The following RBPMS variants were observed in gnomAD, a reference collection of about 807,000 sequenced individuals.
The protein encoded by RBPMS is RNA binding protein, mRNA processing factor.
Under a neutral mutation model 26.8 loss-of-function variants are expected in RBPMS, and 7 were observed. That is an observed-to-expected ratio of 0.26 (90% CI 0.15 to 0.49). RBPMS has a LOEUF of 0.49. Among genes scored for constraint, RBPMS ranks in the 20% least tolerant of loss-of-function variants. The probability of loss-of-function intolerance (pLI) is 0.98; values close to 1 mark genes in which losing one functional copy is unlikely to be tolerated. For synonymous variants in RBPMS, 96 were observed against 93.3 expected (o/e 1.03, Z -0.17); for missense variants, 186 against 250.0 (o/e 0.74, Z 1.73).
intron 5 of RBPMS, among the ~76,000 whole-genome samples, chr8:30,513,106 A>G (rs1053749173): frequency 2.0e-5 from 3 of 151,904 alleles, no homozygotes; most frequent in Middle Eastern, 3.2e-3. Flanking sequence ...TAGGAGTCTC[A>G]GTGTGAAGAA....
chr8:30,566,753 A>G (rs890896670), intron 8 of RBPMS, among the ~76,000 whole-genome samples: 3 of 152,200 alleles, frequency 2.0e-5, no homozygotes, highest in Admixed American at 6.5e-5. Context: ...AATCTGTTTC[A>G]GATGTAATGT....
At chr8:30,442,648 G>T (rs893703642) in intron 1 of RBPMS, 2 of 152,468 alleles carry the variant, frequency 1.3e-5, no homozygotes, top group African/African-American at 2.4e-5. Flanking sequence ...CCGGGCTGGT[G>T]CGCTGAGCTC....
At chr8:30,506,299 C>G (rs906648518) in intron 5 of RBPMS, among the ~76,000 whole-genome samples, 1 of 142,624 alleles carries the variant, frequency 7.0e-6, no homozygotes, top group African/African-American at 2.6e-5. Flanking sequence ...AGGGTAAAAA[C>G]TTGCCCAGCT....
intron 4 of RBPMS, among the ~76,000 whole-genome samples, chr8:30,498,979 G>A (rs1400138381): frequency 6.6e-6 from 1 of 152,104 alleles, no homozygotes; most frequent in Admixed American, 6.5e-5. Flanking sequence ...ACACAACTGG[G>A]ACACTTGGAA....
chr8:30,533,779 C>T (rs961645426), intron 5 of RBPMS, among the ~76,000 whole-genome samples: 1 of 152,108 alleles, frequency 6.6e-6, no homozygotes, highest in African/African-American at 2.4e-5. Flanking sequence ...TTTGCTTGTA[C>T]ACAAATCAGG....
intron 7 of RBPMS, among the ~76,000 whole-genome samples, chr8:30,563,340 G>A (rs569165139): frequency 1.3e-5 from 2 of 152,370 alleles, no homozygotes; most frequent in South Asian, 4.1e-4. Context: ...AATCACGATT[G>A]AAAATTGTCA....
rs1470739470 is a variant in RBPMS at position 30,519,456 on chromosome 8, CTCTTTTTTTTTTTTTTT to C, written c.397+15022_397+15038del. ...TCTCACCCTACGTGGGAGGATCTCTCTCTTTTTTTTTTTTTTTTTTTTTTTTTTTTTTTTTTTTTTTT... is the reference window on the plus strand; with the variant it reads ...TCTCACCCTACGTGGGAGGATCTCTCTTTTTTTTTTTTTTTTTTTTTTTTT... On this transcript the variant is annotated intron_variant, in intron 5 of 8. Coordinates refer to ENST00000397323, the MANE Select transcript of RBPMS (RefSeq NM_001008710.3). Among the ~76,000 whole-genome samples the C allele has an allele frequency of 9.8e-4, 114 of 116,514 alleles. 2 individuals carry two copies. The highest frequency in any genetic ancestry group is 4.0e-3 in the African/African-American group (110 of 27,480). 76.4% of individuals were successfully genotyped at this position (116,514 alleles called of 152,430 possible).
chr8:30,495,200 T>C (rs114451166), intron 4 of RBPMS, among the ~76,000 whole-genome samples: 1,648 of 152,240 alleles, frequency 0.011, 33 homozygotes, highest in African/African-American at 0.036. Flanking sequence ...AACATATTCC[T>C]GTCTGTTACT....
At chr8:30,461,384 A>G (rs1235926413) in intron 1 of RBPMS, among the ~76,000 whole-genome samples, 1 of 152,058 alleles carries the variant, frequency 6.6e-6, no homozygotes, top group Non-Finnish European at 1.5e-5. Flanking sequence ...GTAGTTTCAC[A>G]TACAGTGTGT....
At chr8:30,536,369 C>T (rs1171341618) in intron 5 of RBPMS, among the ~76,000 whole-genome samples, 1 of 152,132 alleles carries the variant, frequency 6.6e-6, no homozygotes, top group Admixed American at 6.5e-5. Context: ...TCAGGTGATC[C>T]GCCCGCCTCG....
rs575253065 is a variant in RBPMS at position 30,490,765 on chromosome 8, G to A, written c.246+11388G>A. 8.5e-4 allele frequency among the ~76,000 whole-genome samples: 130 copies of A among 152,164 alleles called. 1 individual carries two copies. The highest frequency in any genetic ancestry group is 3.4e-3 in the Middle Eastern group (1 of 294). On this transcript the variant is annotated intron_variant, in intron 4 of 8. Transcript: ENST00000397323. ...TATAGATAAGCCTTTTTGCAGAAGG[G>A]GAGAAATTCAGCCTCAGTTTGGTTA...
intron 7 of RBPMS, chr8:30,562,082 G>A: frequency 1.0e-6 from 1 of 972,858 alleles, no homozygotes; most frequent in South Asian, 4.7e-5. Context: ...TGTCATCCCA[G>A]CACTTTGGGA....
chr8:30,540,427 A>G (rs529245570), intron 5 of RBPMS, among the ~76,000 whole-genome samples: 1 of 152,130 alleles, frequency 6.6e-6, no homozygotes, highest in Non-Finnish European at 1.5e-5. Context: ...CGGGAGTGAC[A>G]TGACTGAATT....
intron 6 of RBPMS, chr8:30,556,613 C>A: frequency 1.0e-6 from 1 of 986,436 alleles, no homozygotes; most frequent in Non-Finnish European, 1.2e-6. Flanking sequence ...GCGCTCCACA[C>A]TGACCCAGTG....
At chr8:30,411,985 CAAAAAA>C (rs11367222) in intron 1 of RBPMS, among the ~76,000 whole-genome samples, 3 of 120,970 alleles carry the variant, frequency 2.5e-5, no homozygotes, top group Non-Finnish European at 5.3e-5. Context: ...GACTTCGTCT[CAAAAAA>C]AAAAAAAAAA....
At chr8:30,524,183 G>A (rs1823339147) in intron 5 of RBPMS, among the ~76,000 whole-genome samples, 1 of 152,062 alleles carries the variant, frequency 6.6e-6, no homozygotes, top group African/African-American at 2.4e-5. Context: ...AGGCACATAA[G>A]GATTAGTGGT....
At chr8:30,415,768 G>C (rs1019485334) in intron 1 of RBPMS, among the ~76,000 whole-genome samples, 11 of 152,116 alleles carry the variant, frequency 7.2e-5, no homozygotes, top group African/African-American at 1.2e-4. Context: ...TGCCTTGTGC[G>C]ATGTTTGACA....
rs144638380 is a variant in RBPMS, at chr8:30,522,324, A to AAAC, written c.397+17915_397+17917dup. ...GCAACAAGAAAGAAACTCCACCTCA[A>AAAC]AACAACAACAACAACAACAACAACA... is the stretch of plus-strand genomic sequence containing the variant. On this transcript the variant is annotated intron_variant, in intron 5 of 8. Coordinates refer to ENST00000397323, the MANE Select transcript of RBPMS (RefSeq NM_001008710.3). Among the ~76,000 whole-genome samples the AAAC allele has an allele frequency of 3.9e-3, 592 of 151,020 alleles. 3 individuals carry two copies. Among genetic ancestry groups the AAAC allele is most frequent in the African/African-American group, 8.0e-3 (330 of 41,132 alleles).
At chr8:30,432,644 A>T (rs928074192) in intron 1 of RBPMS, among the ~76,000 whole-genome samples, 10 of 152,222 alleles carry the variant, frequency 6.6e-5, no homozygotes, top group African/African-American at 2.2e-4. Flanking sequence ...TTATTAATAA[A>T]GTGTAGTGTG....
Sources: allele counts gnomAD v4.1 joint callset (sites outside exome capture counted in the v4.1 genomes callset), GRCh38; gene constraint gnomAD v4.1.1; transcripts MANE v1.5; gene names NCBI Gene and HGNC (gene_info 2026-07-23, HGNC 2026-07-21).